The following SSBP2 variants were observed in gnomAD, a reference collection of about 807,000 sequenced individuals.
The protein encoded by SSBP2 is single stranded DNA binding protein 2.
SSBP2 carries 17 observed loss-of-function variants against 61.8 expected under a neutral mutation model. The observed-to-expected ratio is 0.28, with a 90% CI of 0.19 to 0.41. The LOEUF is 0.41. Among genes scored for constraint, SSBP2 ranks in the 10% least tolerant of loss-of-function variants. SSBP2 has a pLI of 1.00. For synonymous variants in SSBP2, 139 were observed against 141.3 expected (o/e 0.98, Z 0.12); for missense variants, 310 against 458.7 (o/e 0.68, Z 2.96).
chr5:81,436,763 A>G (rs886715972), intron 15 of SSBP2, among the ~76,000 whole-genome samples: 3 of 152,158 alleles, frequency 2.0e-5, no homozygotes, highest in Non-Finnish European at 2.9e-5. Context: ...ACTATTTTAA[A>G]TTCATCATGA....
chr5:81,445,789 C>T (rs1339715928), intron 12 of SSBP2, among the ~76,000 whole-genome samples: 1 of 152,046 alleles, frequency 6.6e-6, no homozygotes, highest in Non-Finnish European at 1.5e-5. Context: ...ATCAAAAATA[C>T]TTTATAATTA....
chr5:81,524,634 T>C (rs1355231586), intron 4 of SSBP2, among the ~76,000 whole-genome samples: 1 of 152,042 alleles, frequency 6.6e-6, no homozygotes, highest in Non-Finnish European at 1.5e-5. Flanking sequence ...GCTAATTCTA[T>C]CATTTTGGTT....
At chr5:81,610,498 G>A (rs1419128501) in intron 4 of SSBP2, among the ~76,000 whole-genome samples, 1 of 152,114 alleles carries the variant, frequency 6.6e-6, no homozygotes, top group Non-Finnish European at 1.5e-5. Flanking sequence ...CTTCTAGAGA[G>A]TTTAAAGCAC....
At chr5:81,682,454 A>G (rs1048185165) in intron 1 of SSBP2, among the ~76,000 whole-genome samples, 2 of 152,214 alleles carry the variant, frequency 1.3e-5, no homozygotes, top group African/African-American at 4.8e-5. Context: ...CCATACATGT[A>G]GCATTTGATA....
chr5:81,505,150 G>GTT (rs35912452), intron 5 of SSBP2, among the ~76,000 whole-genome samples: 17 of 151,502 alleles, frequency 1.1e-4, no homozygotes, highest in South Asian at 2.1e-4. Flanking sequence ...CCCATCACCT[G>GTT]TTTTTTTTTG....
At chr5:81,571,594 G>A (rs4426897) in intron 4 of SSBP2, among the ~76,000 whole-genome samples, 70,322 of 151,964 alleles carry the variant, frequency 0.46, 20,896 homozygotes, top group African/African-American at 0.85. Flanking sequence ...TTATTTTTTA[G>A]CTTAAATATA....
At chr5:81,623,870 G>T (rs1039612069) in intron 3 of SSBP2, among the ~76,000 whole-genome samples, 1 of 152,156 alleles carries the variant, frequency 6.6e-6, no homozygotes, top group African/African-American at 2.4e-5. Flanking sequence ...CAACCTTAGA[G>T]ATTATAAAAC....
At chr5:81,457,490 C>T (rs1378758675) in intron 10 of SSBP2, among the ~76,000 whole-genome samples, 1 of 151,994 alleles carries the variant, frequency 6.6e-6, no homozygotes, top group Non-Finnish European at 1.5e-5. Flanking sequence ...AAGAGGATAC[C>T]TACTGTACAT....
intron 1 of SSBP2, among the ~76,000 whole-genome samples, chr5:81,688,201 G>A (rs1037815533): frequency 1.3e-5 from 2 of 152,168 alleles, no homozygotes; most frequent in Non-Finnish European, 2.9e-5. Context: ...CAAGGAAAGG[G>A]GAGGGAAGAC....
intron 4 of SSBP2, among the ~76,000 whole-genome samples, chr5:81,520,659 A>G (rs1010513920): frequency 1.3e-5 from 2 of 152,096 alleles, no homozygotes; most frequent in Non-Finnish European, 2.9e-5. Flanking sequence ...TGGTCTAATC[A>G]ATGATTGTTA....
At chr5:81,751,508 T>G (rs1384283080), upstream of SSBP2, among the ~76,000 whole-genome samples, 1 of 151,994 alleles carries the variant, frequency 6.6e-6, no homozygotes, top group Non-Finnish European at 1.5e-5. Flanking sequence ...AACTGCGGCC[T>G]GGAGTCTCCG....
At chr5:81,749,766 A>G (rs537668109) in intron 1 of SSBP2, among the ~76,000 whole-genome samples, 1 of 152,312 alleles carries the variant, frequency 6.6e-6, no homozygotes, top group African/African-American at 2.4e-5. Context: ...CAAGAATAGC[A>G]GCAAACCGCT....
chr5:81,542,873 G>C (rs1027653820), intron 4 of SSBP2, among the ~76,000 whole-genome samples: 7 of 115,092 alleles, frequency 6.1e-5, no homozygotes, highest in Admixed American at 2.5e-4. Context: ...TTCTTTTTTT[G>C]AGACAGAGTC....
chr5:81,562,353 A>G lies in SSBP2; in HGVS notation c.283-48636T>C, dbSNP rs563232355. Among the ~76,000 whole-genome samples, 4 of 152,324 alleles carry G rather than the reference A, an allele frequency of 2.6e-5. No homozygotes were observed. In the East Asian group the frequency reaches 7.7e-4, roughly 29 times the overall value. On this transcript the variant is annotated intron_variant, in intron 4 of 16. Transcript: ENST00000320672. ...ATTCTTTCAAATCCCATTAAGGGAGAGGAATATAAAAATTTCCCATATGCT... is the reference window on the plus strand; with the variant it reads ...ATTCTTTCAAATCCCATTAAGGGAGGGGAATATAAAAATTTCCCATATGCT...
chr5:81,612,842 A>C (rs1244262184), intron 4 of SSBP2, among the ~76,000 whole-genome samples: 1 of 152,054 alleles, frequency 6.6e-6, no homozygotes, highest in Non-Finnish European at 1.5e-5. Context: ...CAAATGCAGA[A>C]TATAACATTC....
chr5:81,504,594 T>A (rs1768037807), intron 5 of SSBP2, among the ~76,000 whole-genome samples: 2 of 152,210 alleles, frequency 1.3e-5, no homozygotes, highest in South Asian at 4.1e-4. Context: ...CTCAAATACA[T>A]CTTTTTGATG....
chr5:81,724,947 C>A (rs1256518371), intron 1 of SSBP2, among the ~76,000 whole-genome samples: 1 of 152,080 alleles, frequency 6.6e-6, no homozygotes, highest in Non-Finnish European at 1.5e-5. Context: ...ATATAAATAG[C>A]CAATTCATGT....
intron 2 of SSBP2, among the ~76,000 whole-genome samples, chr5:81,641,293 G>A (rs1433977276): frequency 1.3e-5 from 2 of 152,170 alleles, no homozygotes; most frequent in South Asian, 4.1e-4. Context: ...ATGAGAAGAA[G>A]CCTGAGGTAA....
chr5:81,578,472 T>C (rs1774398211), intron 4 of SSBP2, among the ~76,000 whole-genome samples: 1 of 151,920 alleles, frequency 6.6e-6, no homozygotes, highest in Non-Finnish European at 1.5e-5. Context: ...AAATTGTTTC[T>C]GGATTTCAAA....
Sources: gnomAD v4.1 joint callset for allele counts (sites outside exome capture counted in the v4.1 genomes callset) on GRCh38, gnomAD v4.1.1 for gene constraint, MANE v1.5 for transcripts, NCBI Gene and HGNC (gene_info 2026-07-23, HGNC 2026-07-21) for gene names.